The following BET1 variants were observed in gnomAD, a reference collection of about 807,000 sequenced individuals.
The protein encoded by BET1 is Bet1 golgi vesicular membrane trafficking protein.
Under a neutral mutation model 13.9 loss-of-function variants are expected in BET1, and 9 were observed. The ratio of observed to expected loss-of-function variants is 0.65; its 90% CI spans 0.39 to 1.13. The LOEUF (loss-of-function observed/expected upper bound fraction) is 1.13, where lower values mean the gene tolerates loss of function less well. Ranked by LOEUF, BET1 falls within the 50% of genes most tolerant of loss-of-function variation. The pLI is 0.01. For missense variants in BET1, 127 were observed against 133.6 expected, an observed-to-expected ratio of 0.95 and a Z score of 0.24; for synonymous variants, 39 against 47.3, an observed-to-expected ratio of 0.82 and a Z score of 0.72.
At chr7:93,996,056 C>T (rs1248330524) in intron 3 of BET1, 2 of 534,612 alleles carry the variant, frequency 3.7e-6, no homozygotes, top group Non-Finnish European at 6.5e-6. Context: ...TTGGCTTCCA[C>T]TTGTTCCTCC....
chr7:93,964,192 T>C (rs1584118792), exon 7 of BET1: 1 of 152,118 alleles, frequency 6.6e-6, no homozygotes, highest in African/African-American at 2.4e-5. Flanking sequence ...TGCATGATGC[T>C]GAGGTTTGAG....
chr7:93,992,424 A>C, downstream of BET1: 2 of 985,090 alleles, frequency 2.0e-6, no homozygotes, highest in Middle Eastern at 5.2e-4. Context: ...TCCATTGTTG[A>C]TTCTCCTGTT....
At chr7:93,979,275 T>A (rs1465550069) in intron 4 of BET1, among the ~76,000 whole-genome samples, 1 of 152,126 alleles carries the variant, frequency 6.6e-6, no homozygotes, top group Non-Finnish European at 1.5e-5. Context: ...AAATAACCAA[T>A]GTCTAACACA....
intron 1 of BET1, 25 bp downstream of exon 1, chr7:94,004,173 C>G (rs746647752): frequency 1.2e-6 from 2 of 1,614,008 alleles, no homozygotes; most frequent in East Asian, 4.5e-5. Flanking sequence ...GGGCCCCGAA[C>G]TTCGAACCTC....
Position 94,004,257 on chromosome 7 carries a change from G to A in BET1, c.-41C>T. ...AGAGAAAAGGCGGGTGCGGGGCTTT[G>A]GGTGAGTAGGAAACAGCTAGGGGCG... On this transcript the variant is annotated 5_prime_UTR_variant, in exon 1 of 4. Coordinates refer to ENST00000222547, the MANE Select transcript of BET1 (RefSeq NM_005868.6). The A allele has an allele frequency of 6.2e-7, 1 of 1,614,058 alleles. No individual in the cohort carries two copies. Among genetic ancestry groups the A allele is most frequent in the Non-Finnish European group, 8.5e-7 (1 of 1,179,992 alleles).
At chr7:93,986,086 T>C (rs1584135662) in intron 4 of BET1, among the ~76,000 whole-genome samples, 1 of 152,204 alleles carries the variant, frequency 6.6e-6, no homozygotes, top group Non-Finnish European at 1.5e-5. Flanking sequence ...GAGTTGATGG[T>C]AGCCAGACCA....
At chr7:93,982,343 C>G (rs962992503) in intron 4 of BET1, among the ~76,000 whole-genome samples, 1 of 152,062 alleles carries the variant, frequency 6.6e-6, no homozygotes, top group African/African-American at 2.4e-5. Context: ...ACTCTGCCAT[C>G]CCATTATAAT....
chr7:93,988,460 A>C (rs1025295053), downstream of BET1, among the ~76,000 whole-genome samples: 1 of 152,222 alleles, frequency 6.6e-6, no homozygotes, highest in Non-Finnish European at 1.5e-5. Context: ...TAACCTCTCT[A>C]GGGAAGTACT....
In BET1 at chr7:93,962,948, C is replaced by T. The variant is rs1231029890; in HGVS notation, c.*2877G>A. 4 of 152,098 alleles carry T rather than the reference C, an allele frequency of 2.6e-5. No homozygotes were observed. In the East Asian group the frequency reaches 7.8e-4, roughly 30 times the overall value. The allele number at this position is 152,098 out of a possible 1,614,324, so 9.4% of individuals were successfully genotyped here. On this transcript the variant is annotated 3_prime_UTR_variant and NMD_transcript_variant, in exon 7 of 7. Coordinates refer to the BET1 transcript ENST00000357520. Reference sequence around the variant, plus strand: ...GACTCTTTAACTATTGGAAATGAAACTTGCTTTCAATTCTATGCATTTATG... The same window carrying T: ...GACTCTTTAACTATTGGAAATGAAATTTGCTTTCAATTCTATGCATTTATG...
intron 6 of BET1, among the ~76,000 whole-genome samples, chr7:93,967,658 C>G (rs919061215): frequency 1.3e-5 from 2 of 151,696 alleles, no homozygotes; most frequent in Non-Finnish European, 3.0e-5. Flanking sequence ...ATTTTAAAAT[C>G]TTTAACAATT....
At chr7:94,003,497 CA>C (rs773081173) in intron 1 of BET1, among the ~76,000 whole-genome samples, 81 of 152,064 alleles carry the variant, frequency 5.3e-4, no homozygotes, top group Admixed American at 2.1e-3. Context: ...GCTTCAGAAC[CA>C]GAAAATGCCG....
At chr7:93,989,504 G>C (rs940228990), downstream of BET1, among the ~76,000 whole-genome samples, 32 of 152,180 alleles carry the variant, frequency 2.1e-4, no homozygotes, top group African/African-American at 6.5e-4. Context: ...TACACTGTGT[G>C]TAAGTGCAAG....
At position 93,993,618 on chromosome 7, in the gene BET1, C is replaced by A; in HGVS notation, c.*612G>T. 8.0e-7 allele frequency: 1 copy of A among 1,248,390 alleles called. No individual in the cohort carries two copies. The highest frequency in any genetic ancestry group is 1.0e-6 in the Non-Finnish European group (1 of 996,526). The allele number at this position is 1,248,390 out of a possible 1,614,324, so 77.3% of individuals were successfully genotyped here. A position where few individuals can be genotyped will look rare whatever the true frequency, so the allele number is the denominator to read the frequency against. On this transcript the variant is annotated 3_prime_UTR_variant, in exon 4 of 4. Transcript: ENST00000222547. ...TGATACACATGTGCAATGGGCCCTA[C>A]CAGAAATATGCCAAAATAACAAGTT... is the stretch of plus-strand genomic sequence containing the variant.
rs201865421 is a variant in BET1, at chr7:94,004,156, G to T, written c.19+42C>A. On this transcript the variant is annotated intron_variant, in intron 1 of 3. Transcript: ENST00000222547. The stretch of plus-strand genomic sequence containing the variant: ...TTTCCTCCCGCGCCCCAGCGCTCCC[G>T]GTTCTAGGGCCCCGAACTTCGAACC... 1.4e-3 allele frequency: 2,295 copies of T among 1,613,812 alleles called. 3 individuals are homozygous for T. Among genetic ancestry groups the T allele is most frequent in the Non-Finnish European group, 1.6e-3 (1,837 of 1,179,786 alleles).
At chr7:93,994,989 G>A (rs570707241) in intron 3 of BET1, among the ~76,000 whole-genome samples, 44 of 152,158 alleles carry the variant, frequency 2.9e-4, no homozygotes, top group South Asian at 1.2e-3. Context: ...GACTACAGGC[G>A]CACGCCACCA....
downstream of BET1, chr7:93,992,625 A>G (rs1441540003): frequency 1.0e-6 from 1 of 985,108 alleles, no homozygotes; most frequent in African/African-American, 1.7e-5. Context: ...GAGGTATTTC[A>G]TCACCTTGAA....
At chr7:93,993,199 A>T (rs1795676296), downstream of BET1, 17 of 984,410 alleles carry the variant, frequency 1.7e-5, no homozygotes, top group Non-Finnish European at 1.9e-5. Context: ...TGTCAGGACC[A>T]TTTCTCAGAT....
Position 94,004,331 on chromosome 7 carries a change from T to C in BET1, c.-115A>G. ...AGGGCCCAGCGAAACACCAACTTCT[T>C]CCCCTAAAGCGCCACGACATCAGTG... On this transcript the variant is annotated 5_prime_UTR_variant, in exon 1 of 4. Coordinates refer to ENST00000222547, the MANE Select transcript of BET1 (RefSeq NM_005868.6). The C allele has an allele frequency of 1.4e-6, 2 of 1,428,568 alleles. No individual in the cohort carries two copies. The highest frequency in any genetic ancestry group is 2.0e-6 in the Non-Finnish European group (2 of 1,015,700). 88.5% of individuals were successfully genotyped at this position (1,428,568 alleles called of 1,614,324 possible). A position where few individuals can be genotyped will look rare whatever the true frequency, so the allele number is the denominator to read the frequency against.
Position 93,996,336 on chromosome 7 carries a change from G to A in BET1, c.145-15C>T. 3.3e-6 allele frequency: 5 copies of A among 1,529,840 alleles called. No homozygotes were observed. Among genetic ancestry groups the A allele is most frequent in the Non-Finnish European group, 4.4e-6 (5 of 1,126,506 alleles). 94.8% of individuals were successfully genotyped at this position (1,529,840 alleles called of 1,614,324 possible). ...TCAATGGAAAGCTATAAAGAAGAAG[G>A]TATACACAGGATTACTCACATAAAA... On this transcript the variant is annotated splice_polypyrimidine_tract_variant and intron_variant, in intron 2 of 3. Coordinates refer to ENST00000222547, the MANE Select transcript of BET1 (RefSeq NM_005868.6).
Sources: allele counts gnomAD v4.1 joint callset (sites outside exome capture counted in the v4.1 genomes callset), GRCh38; gene constraint gnomAD v4.1.1; transcripts MANE v1.5; gene names NCBI Gene and HGNC (gene_info 2026-07-23, HGNC 2026-07-21).